DHX36: variants seen among roughly 807,000 people sequenced by gnomAD.
The protein encoded by DHX36 is DEAH-box helicase 36.
Under a neutral mutation model 139.0 loss-of-function variants are expected in DHX36, and 50 were observed. The observed-to-expected ratio is 0.36, with a 90% CI of 0.29 to 0.46. DHX36 has a LOEUF of 0.46. Ranked by LOEUF, DHX36 falls within the 20% of genes least tolerant of loss-of-function variation. The pLI is 1.00. For synonymous variants in DHX36, 425 were observed against 401.9 expected, an observed-to-expected ratio of 1.06 and a Z score of -0.69; for missense variants, 1,024 against 1,211.3, an observed-to-expected ratio of 0.85 and a Z score of 2.29.
At chr3:154,292,394 G>A (rs1247013037) in intron 15 of DHX36, among the ~76,000 whole-genome samples, 157 bp downstream of exon 15, 3 of 152,070 alleles carry the variant, frequency 2.0e-5, no homozygotes, top group Non-Finnish European at 2.9e-5. Context: ...AACAAACTAC[G>A]ATTAGAACAA....
In DHX36 at chr3:154,288,971, G is replaced by C. The variant is rs774024205; in HGVS notation, c.1933-7C>G. ...TTCCACCTAGCCTTAAAATCTAAGT[G>C]GGGGAGACAAATATTATTAAATACA... On this transcript the variant is annotated splice_region_variant and splice_polypyrimidine_tract_variant and intron_variant, in intron 16 of 24. Transcript: ENST00000496811. 1.4e-6 allele frequency: 2 copies of C among 1,431,080 alleles called. No homozygotes were observed. The highest frequency in any genetic ancestry group is 1.9e-5 in the Admixed American group (1 of 53,140). The allele number at this position is 1,431,080 out of a possible 1,614,324, so 88.6% of individuals were successfully genotyped here.
chr3:154,308,026 ATGTGG>A (rs552860579), intron 5 of DHX36, among the ~76,000 whole-genome samples: 10 of 152,180 alleles, frequency 6.6e-5, no homozygotes, highest in Non-Finnish European at 1.5e-4. Context: ...AACCAGGTAT[ATGTGG>A]ACATAGAGTG....
chr3:154,319,496 G>A (rs79681890), intron 1 of DHX36, among the ~76,000 whole-genome samples: 1,795 of 152,098 alleles, frequency 0.012, 32 homozygotes, highest in African/African-American at 0.041. Flanking sequence ...ACCTAAACCC[G>A]CCTGTATCAG....
At position 154,300,608 on chromosome 3, in the gene DHX36, C is replaced by T. The variant is rs770740239; in HGVS notation, c.1447G>A (p.Val483Ile). 21 of 1,612,786 alleles carry T rather than the reference C, an allele frequency of 1.3e-5. No individual in the cohort carries two copies. The highest frequency in any genetic ancestry group is 2.7e-5 in the African/African-American group (2 of 74,860). ...ATAAAACTAACCTCTTCTTCCAAAA[C>T]AATGTATCGGATGAGGGCAACAATC... is the stretch of plus-strand genomic sequence containing the variant. ...NLIVALIRYI[V>I]LEEEDGAILV... Residue 483 changes from valine to isoleucine, a missense_variant, in exon 11 of 25, where the codon GTT becomes ATT. Physicochemically the swap from Val to Ile is conservative, Grantham distance 29. This residue lies in a region of DHX36 where 115 missense variants were observed against 105.6 expected (regional missense o/e 1.09). Coordinates refer to ENST00000496811, the MANE Select transcript of DHX36 (RefSeq NM_020865.3).
intron 9 of DHX36, among the ~76,000 whole-genome samples, chr3:154,302,450 A>G (rs749973486): frequency 6.6e-5 from 10 of 152,204 alleles, no homozygotes; most frequent in Admixed American, 2.0e-4. Flanking sequence ...GTGGGAGAAT[A>G]TAAGATAATG....
At chr3:154,316,689 C>T (rs1042240178) in intron 1 of DHX36, among the ~76,000 whole-genome samples, 4 of 151,670 alleles carry the variant, frequency 2.6e-5, no homozygotes, top group East Asian at 3.9e-4. Flanking sequence ...TGGCAAATGA[C>T]GCAGTTGCTT....
Position 154,289,173 on chromosome 3 carries a change from A to G in DHX36, c.1933-209T>C, listed in dbSNP as rs371177143. On this transcript the variant is annotated intron_variant, in intron 16 of 24. Coordinates refer to ENST00000496811, the MANE Select transcript of DHX36 (RefSeq NM_020865.3). Reference sequence around the variant, plus strand: ...ATTACTACTTTCTACCATCAACTCTATTAATAGGAAAAGTAGCTGGCTAAA... The same window carrying G: ...ATTACTACTTTCTACCATCAACTCTGTTAATAGGAAAAGTAGCTGGCTAAA... Among the ~76,000 whole-genome samples, 13 of 152,278 alleles carry G rather than the reference A, an allele frequency of 8.5e-5. No homozygotes were observed. In the East Asian group the frequency reaches 2.3e-3, roughly 27 times the overall value.
intron 20 of DHX36, 81 bp downstream of exon 20, chr3:154,283,107 A>T: frequency 9.6e-7 from 1 of 1,043,504 alleles, no homozygotes; most frequent in Non-Finnish European, 1.5e-6. Flanking sequence ...CTTTTTTGCT[A>T]TAGATCTAAT....
rs1441904395 is a variant in DHX36 at position 154,286,180 on chromosome 3, A to AAC, written c.2032-1194_2032-1193insGT. On this transcript the variant is annotated intron_variant, in intron 17 of 24. Transcript: ENST00000496811. Reference sequence around the variant, plus strand: ...CTTCCACACACCAAAAAAAAAAAAAAAAAAAAAAAAAACACCAACAAACAC... The same window carrying AAC: ...CTTCCACACACCAAAAAAAAAAAAAAACAAAAAAAAAAAACACCAACAAACAC... Among the ~76,000 whole-genome samples the AAC allele has an allele frequency of 5.4e-3, 105 of 19,522 alleles. 9 individuals are homozygous for AAC. The highest frequency in any genetic ancestry group is 0.017 in the Admixed American group (35 of 2,070). 12.8% of individuals were successfully genotyped at this position (19,522 alleles called of 152,430 possible).
Position 154,280,578 on chromosome 3 carries a change from C to T in DHX36, c.2567+1G>A. On this transcript the variant is annotated splice_donor_variant, in intron 22 of 24. Transcript: ENST00000496811. LOFTEE classifies it high-confidence loss of function. ...AATTAATAATAATCTTCAATGCTTA[C>T]ATTTTTCTTTTTTTACCCAAATTTA... is the stretch of plus-strand genomic sequence containing the variant. 6.3e-7 allele frequency: 1 copy of T among 1,594,088 alleles called. No individual in the cohort carries two copies. Among genetic ancestry groups the T allele is most frequent in the Non-Finnish European group, 8.6e-7 (1 of 1,163,976 alleles).
At chr3:154,294,502 G>GA (rs1711952293) in intron 13 of DHX36, among the ~76,000 whole-genome samples, 2 of 152,174 alleles carry the variant, frequency 1.3e-5, no homozygotes, top group Non-Finnish European at 2.9e-5. Context: ...TAATTTACTA[G>GA]GTTATGGTGT....
rs1346560603 is a variant in DHX36 at position 154,273,847 on chromosome 3, A to C, written c.*2324T>G. On this transcript the variant is annotated 3_prime_UTR_variant, in exon 25 of 25. Coordinates refer to ENST00000496811, the MANE Select transcript of DHX36 (RefSeq NM_020865.3). ...GCACATTAAAATTTGCATTCTTTGG[A>C]GTGCAGCAAGATGCTTTTCCTGTTT... 1 of 152,198 alleles carries C rather than the reference A, an allele frequency of 6.6e-6. No homozygotes were observed. The highest frequency in any genetic ancestry group is 2.1e-4 in the South Asian group (1 of 4,830). The allele number at this position is 152,198 out of a possible 1,614,324, so 9.4% of individuals were successfully genotyped here. A position where few individuals can be genotyped will look rare whatever the true frequency, so the allele number is the denominator to read the frequency against.
chr3:154,287,255 CA>C (rs1349753137), intron 17 of DHX36, among the ~76,000 whole-genome samples: 1 of 152,252 alleles, frequency 6.6e-6, no homozygotes, highest in African/African-American at 2.4e-5. Context: ...GCATTATAAA[CA>C]AAACAGTAAA....
At chr3:154,293,938 C>A (rs148329830) in intron 13 of DHX36, 126 bp from the exon 14 acceptor site, 1 of 586,420 alleles carries the variant, frequency 1.7e-6, no homozygotes, top group Non-Finnish European at 3.1e-6. Context: ...CTGACATATA[C>A]ATCTAATATT....
chr3:154,280,960 G>A (rs1408755578), intron 20 of DHX36, 98 bp from the exon 21 acceptor site: 2 of 886,034 alleles, frequency 2.3e-6, no homozygotes, highest in South Asian at 3.4e-5. Flanking sequence ...AGCTATCCCT[G>A]CTTTATGAAA....
At chr3:154,297,679 C>A (rs1242237013) in intron 12 of DHX36, among the ~76,000 whole-genome samples, 46 of 149,262 alleles carry the variant, frequency 3.1e-4, no homozygotes, top group African/African-American at 1.1e-3. Flanking sequence ...CACTGCACTC[C>A]AGCCTGGGAA....
chr3:154,291,437 A>C (rs977655826), intron 15 of DHX36, among the ~76,000 whole-genome samples: 5 of 152,162 alleles, frequency 3.3e-5, no homozygotes, highest in Admixed American at 6.5e-5. Flanking sequence ...ATACTTTTTG[A>C]ATCAATATTT....
At chr3:154,311,785 T>TTG in intron 3 of DHX36, 111 bp from the exon 4 acceptor site, 1 of 704,750 alleles carries the variant, frequency 1.4e-6, no homozygotes, top group South Asian at 2.1e-5. Flanking sequence ...AAAGTATTTT[T>TTG]ATTATCTCAT....
At position 154,301,794 on chromosome 3, in the gene DHX36, C is replaced by T. The variant is rs115014190; in HGVS notation, c.1218-667G>A. Among the ~76,000 whole-genome samples the T allele has an allele frequency of 5.6e-3, 857 of 152,050 alleles. 7 individuals are homozygous for T. The highest frequency in any genetic ancestry group is 0.02 in the African/African-American group (833 of 41,476). On this transcript the variant is annotated intron_variant, in intron 9 of 24. Coordinates refer to ENST00000496811, the MANE Select transcript of DHX36 (RefSeq NM_020865.3). Reference sequence around the variant, plus strand: ...GGGCGCATCTGGACAATAATTCTACCTATCATTGTCAGTCCTGAGAGGCAC... The same window carrying T: ...GGGCGCATCTGGACAATAATTCTACTTATCATTGTCAGTCCTGAGAGGCAC...
Sources: allele counts gnomAD v4.1 joint callset (sites outside exome capture counted in the v4.1 genomes callset), GRCh38; gene constraint gnomAD v4.1.1; regional missense constraint gnomAD v4.1.1; transcripts MANE v1.5; gene names NCBI Gene and HGNC (gene_info 2026-07-23, HGNC 2026-07-21).